The following UTP20 variants were observed in gnomAD, a reference collection of about 807,000 sequenced individuals.
UTP20 encodes UTP20 small subunit processome component.
A neutral mutation model predicts 329.5 loss-of-function variants in UTP20; 164 were observed. The ratio of observed to expected loss-of-function variants is 0.50; its 90% CI spans 0.44 to 0.57. The LOEUF is 0.57. UTP20 is among the 20% of genes least tolerant of loss of function. The probability of loss-of-function intolerance (pLI) is 0.00; values close to 1 mark genes in which losing one functional copy is unlikely to be tolerated. For missense variants in UTP20, 3,055 were observed against 3,284.2 expected (o/e 0.93, Z 1.71); for synonymous variants, 1,151 against 1,159.3 (o/e 0.99, Z 0.14).
At position 101,290,770 on chromosome 12, in the gene UTP20, C is replaced by T. The variant is rs2137233697; in HGVS notation, c.773C>T (p.Thr258Ile). 6.2e-7 allele frequency: 1 copy of T among 1,613,162 alleles called. No individual in the cohort carries two copies. The highest frequency in any genetic ancestry group is 1.3e-5 in the African/African-American group (1 of 75,006). Residue 258 changes from threonine to isoleucine, a missense_variant, in exon 8 of 62, where the codon ACT becomes ATT. Around this residue, in one of 3 missense-constraint regions of UTP20, gnomAD observed 2,445 missense variants for 2,575.5 expected, o/e 0.95. Transcript: ENST00000261637. ...ATTTTGCGAAAGCTAGGACCAGTCA[C>T]TGAAACAGAAACTCAACTACCATGG... is the stretch of plus-strand genomic sequence containing the variant. ...KLILRKLGPVTETETQLPWML... is the reference protein window; with the variant it reads ...KLILRKLGPVIETETQLPWML...
Position 101,292,001 on chromosome 12 carries a change from T to C in UTP20, c.1070T>C (p.Leu357Pro), listed in dbSNP as rs142738390. ...VLSQTLQVAS[L>P]STSCWETLLD... ...TCTCAAACACTGCAAGTAGCCAGTC[T>C]CTCCACATCTTGCTGGGAGACCCTC... is the stretch of plus-strand genomic sequence containing the variant. Residue 357 changes from leucine (L) to proline (P), a missense_variant, in exon 10 of 62, where the codon CTC (leucine) becomes CCC (proline). Coordinates refer to ENST00000261637, the MANE Select transcript of UTP20 (RefSeq NM_014503.3). 1.2e-6 allele frequency: 2 copies of C among 1,613,594 alleles called. No homozygotes were observed. The highest frequency in any genetic ancestry group is 2.7e-5 in the African/African-American group (2 of 74,922).
At chr12:101,301,393 T>C (rs368060266) in intron 14 of UTP20, among the ~76,000 whole-genome samples, 6 of 151,980 alleles carry the variant, frequency 3.9e-5, no homozygotes, top group Non-Finnish European at 5.9e-5. Context: ...TAAGGCTGGG[T>C]GTGGTGGCTC....
At chr12:101,377,552 C>T (rs1213606614) in intron 56 of UTP20, among the ~76,000 whole-genome samples, 1 of 151,816 alleles carries the variant, frequency 6.6e-6, no homozygotes, top group African/African-American at 2.4e-5. Context: ...GGATGGTCTC[C>T]ATCTCTTGAC....
Position 101,344,752 on chromosome 12 carries a change from T to G in UTP20, c.4605+2T>G. The G allele has an allele frequency of 6.2e-7, 1 of 1,612,160 alleles. No individual in the cohort carries two copies. Among genetic ancestry groups the G allele is most frequent in the South Asian group, 1.1e-5 (1 of 90,884 alleles). ...AAAGGTCTGAAGAGCCAGACAGAGGTATATAACTTTGTGTTTTAGGCACTA... is the reference window on the plus strand; with the variant it reads ...AAAGGTCTGAAGAGCCAGACAGAGGGATATAACTTTGTGTTTTAGGCACTA... On this transcript the variant is annotated splice_donor_variant, in intron 36 of 61. Coordinates refer to ENST00000261637, the MANE Select transcript of UTP20 (RefSeq NM_014503.3). LOFTEE classifies it high-confidence loss of function.
chr12:101,384,287 A>G (rs1225626739), intron 60 of UTP20, among the ~76,000 whole-genome samples: 4 of 152,222 alleles, frequency 2.6e-5, no homozygotes, highest in Admixed American at 2.0e-4. Context: ...CACGCCTGTA[A>G]TCCCACACTT....
At chr12:101,346,953 A>C (rs1284896617) in intron 38 of UTP20, among the ~76,000 whole-genome samples, 1 of 152,232 alleles carries the variant, frequency 6.6e-6, no homozygotes, top group Non-Finnish European at 1.5e-5. Context: ...GAAATGAAAT[A>C]GTAGGTTATC....
At chr12:101,340,665 G>C in intron 32 of UTP20, 55 bp downstream of exon 32, 1 of 1,145,470 alleles carries the variant, frequency 8.7e-7, no homozygotes, top group Non-Finnish European at 1.3e-6. Flanking sequence ...TTATCACTAG[G>C]TTTAATTGCG....
rs757755764 is a variant in UTP20, at chr12:101,383,272, G to A, written c.7888G>A (p.Ala2630Thr). Residue 2630 changes from alanine (A) to threonine (T), a missense_variant, in exon 59 of 62, where the codon GCA (alanine) becomes ACA (threonine). Coordinates refer to ENST00000261637, the MANE Select transcript of UTP20 (RefSeq NM_014503.3). The part of the protein sequence containing the change: ...LWLIQKLSRI[A>T]KLEAAYSPRN... ...GTTGATCCAGAAGCTGTCCCGGATT[G>A]CAAAACTGGAAGCTGCTTATTCGCC... The A allele has an allele frequency of 1.2e-5, 19 of 1,613,898 alleles. No individual in the cohort carries two copies. Among genetic ancestry groups the A allele is most frequent in the East Asian group, 4.5e-5 (2 of 44,894 alleles).
chr12:101,344,464 G>T (rs1330677997), intron 35 of UTP20, 131 bp from the exon 36 acceptor site: 2 of 626,246 alleles, frequency 3.2e-6, no homozygotes, highest in Non-Finnish European at 5.7e-6. Context: ...TGAAATATTT[G>T]TGGGAACTTG....
Position 101,352,232 on chromosome 12 carries a change from A to C in UTP20, c.5024+38A>C, listed in dbSNP as rs1330571362. ...TTCTTATTTTTGTTTTGTTTTTTAA[A>C]TGTAATTTATGGCTGCATAGTATTC... On this transcript the variant is annotated intron_variant, in intron 39 of 61. Coordinates refer to ENST00000261637, the MANE Select transcript of UTP20 (RefSeq NM_014503.3). The C allele has an allele frequency of 3.2e-6, 5 of 1,583,422 alleles. No homozygotes were observed. In the East Asian group the frequency reaches 9.0e-5, roughly 28 times the overall value.
chr12:101,311,906 T>G (rs1872805260), intron 20 of UTP20, 108 bp downstream of exon 20: 7 of 1,553,068 alleles, frequency 4.5e-6, no homozygotes, highest in Non-Finnish European at 6.1e-6. Flanking sequence ...GAAACATATA[T>G]TATCATGATA....
At chr12:101,290,668 A>G (rs1469971468) in intron 7 of UTP20, 65 bp from the exon 8 acceptor site, 2 of 1,494,210 alleles carry the variant, frequency 1.3e-6, no homozygotes, top group African/African-American at 2.8e-5. Flanking sequence ...CAGAGTGGTG[A>G]CTCCCAGAGC....
In UTP20 at chr12:101,329,564, C is replaced by G. The variant is rs527372450; in HGVS notation, c.3417+115C>G. ...TTCCAACTCTCATTTCAAGTTTGAT[C>G]CCAGAACAAAGCCCAAAATTGTAAA... On this transcript the variant is annotated intron_variant, in intron 27 of 61. Coordinates refer to ENST00000261637, the MANE Select transcript of UTP20 (RefSeq NM_014503.3). The G allele has an allele frequency of 4.3e-5, 47 of 1,086,904 alleles. No individual in the cohort carries two copies. The African/African-American group carries it at 6.3e-4, about 15-fold the overall frequency. The allele number at this position is 1,086,904 out of a possible 1,614,324, so 67.3% of individuals were successfully genotyped here. A position where few individuals can be genotyped will look rare whatever the true frequency, so the allele number is the denominator to read the frequency against.
In UTP20 at chr12:101,329,415, C is replaced by A; in HGVS notation, c.3383C>A (p.Ala1128Glu). ...TTGCAGATACTGCTCTGTATGACAGCAACCGTATCACACATCCTTGACCAA... is the reference window on the plus strand; with the variant it reads ...TTGCAGATACTGCTCTGTATGACAGAAACCGTATCACACATCCTTGACCAA... ...KILQILLCMT[A>E]TVSHILDQRE... The change falls in exon 27 of 62, where the codon GCA (alanine) becomes GAA (glutamate). Residue 1128 changes from alanine to glutamate, a missense_variant. Ala to Glu is a moderately radical substitution (Grantham distance 107). Around this residue, in one of 3 missense-constraint regions of UTP20, gnomAD observed 2,445 missense variants for 2,575.5 expected, o/e 0.95. Coordinates refer to ENST00000261637, the MANE Select transcript of UTP20 (RefSeq NM_014503.3). The A allele has an allele frequency of 6.2e-7, 1 of 1,613,794 alleles. No homozygotes were observed. The highest frequency in any genetic ancestry group is 8.5e-7 in the Non-Finnish European group (1 of 1,179,748).
At chr12:101,317,697 A>G in intron 22 of UTP20, 34 bp downstream of exon 22, 1 of 1,573,146 alleles carries the variant, frequency 6.4e-7, no homozygotes, top group Non-Finnish European at 8.6e-7. Context: ...TCACAGATCC[A>G]CAGTTCTGGG....
chr12:101,318,190 T>C (rs1873038999), intron 22 of UTP20, among the ~76,000 whole-genome samples: 1 of 152,234 alleles, frequency 6.6e-6, no homozygotes, highest in African/African-American at 2.4e-5. Flanking sequence ...ATTCTTTTAG[T>C]TGTTCATTTA....
At chr12:101,293,830 T>G (rs1213054872) in intron 11 of UTP20, among the ~76,000 whole-genome samples, 1 of 152,228 alleles carries the variant, frequency 6.6e-6, no homozygotes, top group East Asian at 1.9e-4. Context: ...ACTCTTCATC[T>G]TGCTCTGTTT....
At chr12:101,343,695 A>G (rs1375090565) in intron 35 of UTP20, among the ~76,000 whole-genome samples, 1 of 152,126 alleles carries the variant, frequency 6.6e-6, no homozygotes, top group East Asian at 1.9e-4. Flanking sequence ...GCATTTTATT[A>G]GAGACGAGGT....
At chr12:101,349,241 A>T in intron 38 of UTP20, among the ~76,000 whole-genome samples, 1 of 150,100 alleles carries the variant, frequency 6.7e-6, no homozygotes, top group African/African-American at 2.4e-5. Context: ...TTTTTTTCAT[A>T]GTTTTTTCTT....
Sources: allele counts gnomAD v4.1 joint callset (sites outside exome capture counted in the v4.1 genomes callset), GRCh38; gene constraint gnomAD v4.1.1; regional missense constraint gnomAD v4.1.1; transcripts MANE v1.5; gene names NCBI Gene and HGNC (gene_info 2026-07-23, HGNC 2026-07-21).